LRMDA: variants seen among roughly 807,000 people sequenced by gnomAD.
LRMDA encodes the protein leucine rich melanocyte differentiation associated.
Under a neutral mutation model 29.8 loss-of-function variants are expected in LRMDA, and 18 were observed. The ratio of observed to expected loss-of-function variants is 0.60; its 90% CI spans 0.42 to 0.90. The LOEUF (loss-of-function observed/expected upper bound fraction) is 0.90. LRMDA is among the 40% of genes least tolerant of loss of function. The pLI, the probability that LRMDA is intolerant of heterozygous loss-of-function variation, is 0.00. For missense variants in LRMDA, 273 were observed against 273.9 expected (o/e 1.00, Z 0.02); for synonymous variants, 125 against 109.4 (o/e 1.14, Z -0.89).
chr10:76,057,910 G>A (rs1166411106), intron 4 of LRMDA, among the ~76,000 whole-genome samples: 1 of 152,180 alleles, frequency 6.6e-6, no homozygotes, highest in Non-Finnish European at 1.5e-5. Flanking sequence ...TGGCCAAGTG[G>A]TTATTCTTGT....
chr10:76,260,447 T>C (rs998755526), intron 5 of LRMDA, among the ~76,000 whole-genome samples: 1 of 152,180 alleles, frequency 6.6e-6, no homozygotes. Flanking sequence ...AAAGGATAGC[T>C]TTGCTAGGTA....
intron 2 of LRMDA, among the ~76,000 whole-genome samples, chr10:75,977,919 TA>T (rs11352643): frequency 0.36 from 54,866 of 152,082 alleles, 11,186 homozygotes; most frequent in African/African-American, 0.54. Context: ...TCTGTGGAGA[TA>T]ATGGTCATAA....
At chr10:75,860,455 G>A (rs750337958) in intron 2 of LRMDA, among the ~76,000 whole-genome samples, 8 of 151,588 alleles carry the variant, frequency 5.3e-5, no homozygotes, top group East Asian at 3.9e-4. Flanking sequence ...CTGAGTATCC[G>A]GGATTAAAGG....
chr10:76,144,276 C>G (rs1026413804), intron 5 of LRMDA, among the ~76,000 whole-genome samples: 4 of 152,150 alleles, frequency 2.6e-5, no homozygotes, highest in African/African-American at 9.7e-5. Context: ...TATAAATTAC[C>G]TTGGGCAGTA....
intron 5 of LRMDA, among the ~76,000 whole-genome samples, chr10:76,279,539 C>CTTTTTTTTTTT (rs759651873): frequency 2.1e-5 from 2 of 93,810 alleles, no homozygotes; most frequent in African/African-American, 8.1e-5. Context: ...ACAAATGCTT[C>CTTTTTTTTTTT]TTTTTTTTTT....
chr10:76,061,682 TG>T (rs1478348637), intron 5 of LRMDA, among the ~76,000 whole-genome samples: 1 of 152,124 alleles, frequency 6.6e-6, no homozygotes, highest in Non-Finnish European at 1.5e-5. Flanking sequence ...ATGAGGGAGC[TG>T]GGAGAGGGTG....
At chr10:75,802,333 G>GTGCA (rs1843764309) in intron 2 of LRMDA, among the ~76,000 whole-genome samples, 1 of 108,582 alleles carries the variant, frequency 9.2e-6, no homozygotes, top group African/African-American at 3.4e-5. Context: ...ACACACACAC[G>GTGCA]CGCACACACA....
intron 2 of LRMDA, among the ~76,000 whole-genome samples, chr10:75,636,318 T>C (rs1300622035): frequency 6.6e-6 from 1 of 152,232 alleles, no homozygotes; most frequent in Non-Finnish European, 1.5e-5. Context: ...ATTTTCTTTA[T>C]TAAATTTTCC....
intron 6 of LRMDA, among the ~76,000 whole-genome samples, chr10:76,540,914 GTTT>G (rs2132384522): frequency 6.6e-6 from 1 of 152,252 alleles, no homozygotes; most frequent in African/African-American, 2.4e-5. Flanking sequence ...AAAATTACTT[GTTT>G]TAAATGCTTG....
At chr10:76,055,362 G>C (rs1405702335) in intron 4 of LRMDA, among the ~76,000 whole-genome samples, 1 of 152,188 alleles carries the variant, frequency 6.6e-6, no homozygotes, top group Non-Finnish European at 1.5e-5. Flanking sequence ...TATTCCTGCA[G>C]ACCTCTAAAC....
chr10:76,247,516 A>G (rs900684133), intron 5 of LRMDA, among the ~76,000 whole-genome samples: 2 of 152,204 alleles, frequency 1.3e-5, no homozygotes, highest in African/African-American at 4.8e-5. Context: ...AGCTGCGGAT[A>G]AAACTGGAAT....
At chr10:75,989,489 A>G (rs1282243256) in intron 2 of LRMDA, among the ~76,000 whole-genome samples, 2 of 152,236 alleles carry the variant, frequency 1.3e-5, no homozygotes, top group Admixed American at 6.5e-5. Flanking sequence ...GTGTTAAACC[A>G]TGAGAAACCA....
intron 2 of LRMDA, among the ~76,000 whole-genome samples, chr10:75,617,883 AC>A (rs1222181206): frequency 6.6e-6 from 1 of 152,170 alleles, no homozygotes; most frequent in East Asian, 1.9e-4. Context: ...GCAGTAGGAG[AC>A]CTGGCGCTAC....
chr10:76,308,413 G>A (rs181044756), intron 5 of LRMDA, among the ~76,000 whole-genome samples: 5 of 152,232 alleles, frequency 3.3e-5, no homozygotes, highest in Non-Finnish European at 7.4e-5. Flanking sequence ...GATGGATAGG[G>A]AGCCACATGG....
intron 5 of LRMDA, among the ~76,000 whole-genome samples, chr10:76,162,976 C>A (rs761229023): frequency 2.0e-4 from 30 of 152,234 alleles, no homozygotes; most frequent in Non-Finnish European, 3.2e-4. Flanking sequence ...TGCTATAATT[C>A]CAGATTTTAA....
At chr10:75,879,651 C>T (rs1845261486) in intron 2 of LRMDA, among the ~76,000 whole-genome samples, 2 of 152,168 alleles carry the variant, frequency 1.3e-5, no homozygotes, top group African/African-American at 4.8e-5. Flanking sequence ...GTAGTTTTCA[C>T]ACCAGGATTT....
At chr10:75,739,504 G>T (rs191154504) in intron 2 of LRMDA, among the ~76,000 whole-genome samples, 1 of 152,228 alleles carries the variant, frequency 6.6e-6, no homozygotes, top group African/African-American at 2.4e-5. Context: ...AGAACAGGGT[G>T]CAAGAACCTG....
At chr10:76,337,036 GGTTA>G (rs1564727988) in intron 6 of LRMDA, among the ~76,000 whole-genome samples, 1 of 152,086 alleles carries the variant, frequency 6.6e-6, no homozygotes, top group Non-Finnish European at 1.5e-5. Flanking sequence ...TCCAGAGACA[GGTTA>G]GATAGGGCAG....
chr10:76,174,147 A>G (rs1167945820), intron 5 of LRMDA, among the ~76,000 whole-genome samples: 1 of 152,200 alleles, frequency 6.6e-6, no homozygotes, highest in Non-Finnish European at 1.5e-5. Flanking sequence ...CTGTGATGTT[A>G]GCATTATCCT....
Sources: gnomAD v4.1 joint callset for allele counts (sites outside exome capture counted in the v4.1 genomes callset) on GRCh38, gnomAD v4.1.1 for gene constraint, MANE v1.5 for transcripts, NCBI Gene and HGNC (gene_info 2026-07-23, HGNC 2026-07-21) for gene names.